The following VPS35L variants were observed in gnomAD, a reference collection of about 807,000 sequenced individuals.
VPS35L encodes the protein VPS35 endosomal protein sorting factor like, also known as VPS35 endosomal protein-sorting factor-like.
Under a neutral mutation model 133.0 loss-of-function variants are expected in VPS35L, and 83 were observed. The ratio of observed to expected loss-of-function variants is 0.62; its 90% CI spans 0.52 to 0.75. VPS35L has a LOEUF of 0.75. Among genes scored for constraint, VPS35L ranks in the 30% least tolerant of loss-of-function variants. The pLI, the probability that VPS35L is intolerant of heterozygous loss-of-function variation, is 0.00. For missense variants in VPS35L, 1,083 were observed against 1,206.8 expected (o/e 0.90, Z 1.52); for synonymous variants, 423 against 449.9 (o/e 0.94, Z 0.76).
chr16:19,681,200 TC>T (rs1316486858), intron 27 of VPS35L, among the ~76,000 whole-genome samples: 1 of 152,108 alleles, frequency 6.6e-6, no homozygotes, highest in Non-Finnish European at 1.5e-5. Context: ...CACCTATCCT[TC>T]CTCTAGCTCC....
At chr16:19,657,810 C>G (rs1181258712) in intron 26 of VPS35L, among the ~76,000 whole-genome samples, 2 of 152,128 alleles carry the variant, frequency 1.3e-5, no homozygotes, top group East Asian at 3.9e-4. Flanking sequence ...ACACATTTAC[C>G]AGGTCTTGGC....
At position 19,700,445 on chromosome 16, in the gene VPS35L, C is replaced by A; in HGVS notation, c.2861C>A (p.Ala954Asp). The change falls in exon 31 of 31, where the codon GCC (alanine) becomes GAC (aspartate). Residue 954 changes from alanine (A) to aspartate (D), a missense_variant. Transcript: ENST00000417362. The stretch of plus-strand genomic sequence containing the variant: ...GACATGACTCATCTGACGGAGCTGG[C>A]CCTCAGACTCCCTCTGCAAACAAGG... ...QPDMTHLTEL[A>D]LRLPLQTRT The A allele has an allele frequency of 1.2e-6, 2 of 1,614,158 alleles. No homozygotes were observed. Among genetic ancestry groups the A allele is most frequent in the Non-Finnish European group, 1.7e-6 (2 of 1,180,008 alleles).
intron 21 of VPS35L, among the ~76,000 whole-genome samples, chr16:19,641,031 C>A (rs1270811169): frequency 6.6e-6 from 1 of 152,088 alleles, no homozygotes; most frequent in Non-Finnish European, 1.5e-5. Flanking sequence ...TGAGCCACCT[C>A]GCCTAGCTAG....
chr16:19,558,922 C>CAA (rs11294761), intron 1 of VPS35L, among the ~76,000 whole-genome samples: 9 of 120,146 alleles, frequency 7.5e-5, no homozygotes, highest in East Asian at 5.3e-4. Context: ...GACTCCGTCT[C>CAA]AAAAAAAAAA....
At chr16:19,557,081 G>A (rs1055627345) in intron 1 of VPS35L, among the ~76,000 whole-genome samples, 4 of 152,006 alleles carry the variant, frequency 2.6e-5, no homozygotes, top group South Asian at 2.1e-4. Flanking sequence ...GGAGTGAACC[G>A]AGATCATGCC....
chr16:19,626,330 C>A, intron 15 of VPS35L, 107 bp downstream of exon 15: 1 of 842,764 alleles, frequency 1.2e-6, no homozygotes, highest in Non-Finnish European at 2.0e-6. Context: ...AGAGGCAGGA[C>A]TGCATGGAGG....
chr16:19,561,329 C>G (rs1453628034), intron 1 of VPS35L, among the ~76,000 whole-genome samples: 1 of 152,158 alleles, frequency 6.6e-6, no homozygotes, highest in East Asian at 1.9e-4. Flanking sequence ...GGAGATCGCG[C>G]CACTGCACTC....
At chr16:19,595,758 C>T (rs543754537) in intron 8 of VPS35L, among the ~76,000 whole-genome samples, 38 of 152,316 alleles carry the variant, frequency 2.5e-4, no homozygotes, top group African/African-American at 7.2e-4. Context: ...GTCCTTGTTG[C>T]GTCCCAGAAA....
chr16:19,682,433 C>T (rs1391122778), intron 28 of VPS35L, 43 bp downstream of exon 28: 1 of 1,574,878 alleles, frequency 6.3e-7, no homozygotes, highest in South Asian at 1.1e-5. Context: ...GCATGGATTT[C>T]ATGAAAGGCA....
rs147961883 is a variant in VPS35L at position 19,700,402 on chromosome 16, A to C, written c.2818A>C (p.Lys940Gln). ...GGTGAAAACGCTAGAATACATCAAG[A>C]AGCAAAGCAAACAACCAGACATGAC... is the stretch of plus-strand genomic sequence containing the variant. ...TMVKTLEYIK[K>Q]QSKQPDMTHL... is the part of the protein sequence containing the mutation. The change falls in exon 31 of 31, where the codon AAG (lysine) becomes CAG (glutamine). Residue 940 changes from lysine to glutamine, a missense_variant. Physicochemically the swap from Lys to Gln is moderately conservative, Grantham distance 53. Coordinates refer to ENST00000417362, the MANE Select transcript of VPS35L (RefSeq NM_020314.7). The C allele has an allele frequency of 6.3e-5, 101 of 1,614,126 alleles. No homozygotes were observed. The African/African-American group carries it at 1.1e-3, about 17-fold the overall frequency.
chr16:19,624,753 A>G (rs1459359786), intron 14 of VPS35L, among the ~76,000 whole-genome samples: 1 of 152,120 alleles, frequency 6.6e-6, no homozygotes, highest in African/African-American at 2.4e-5. Context: ...GCCTGCACAA[A>G]TCCCATTTTT....
chr16:19,627,406 C>A (rs767122809), intron 15 of VPS35L, among the ~76,000 whole-genome samples: 1 of 152,076 alleles, frequency 6.6e-6, no homozygotes. Context: ...AATGCTCGCT[C>A]TTCTTCTCCT....
chr16:19,615,535 T>A (rs1324814517), intron 12 of VPS35L, among the ~76,000 whole-genome samples: 4 of 151,702 alleles, frequency 2.6e-5, no homozygotes, highest in Admixed American at 6.6e-5. Flanking sequence ...CTGTAATCCC[T>A]GCTACTTGGG....
chr16:19,608,099 G>A (rs1972590933), intron 9 of VPS35L, 79 bp from the exon 10 acceptor site: 1 of 1,026,142 alleles, frequency 9.7e-7, no homozygotes, highest in South Asian at 1.3e-5. Flanking sequence ...TCTGCTCCAG[G>A]GTAATGTATT....
At chr16:19,600,361 T>C in intron 8 of VPS35L, among the ~76,000 whole-genome samples, 1 of 152,142 alleles carries the variant, frequency 6.6e-6, no homozygotes, top group East Asian at 1.9e-4. Context: ...CTTCCACATA[T>C]TGATAACATT....
intron 7 of VPS35L, chr16:19,581,989 A>C: frequency 4.6e-6 from 1 of 216,594 alleles, no homozygotes; most frequent in Non-Finnish European, 9.1e-6. Flanking sequence ...GTACACACTA[A>C]AGATTGAGCA....
At chr16:19,655,480 C>T (rs1038462724) in intron 26 of VPS35L, among the ~76,000 whole-genome samples, 1 of 152,200 alleles carries the variant, frequency 6.6e-6, no homozygotes, top group African/African-American at 2.4e-5. Context: ...CCCCGTCCCT[C>T]CAGTTCATTT....
rs779887361 is a variant in VPS35L, at chr16:19,579,100, G to A, written c.482G>A (p.Arg161Gln). The A allele has an allele frequency of 5.6e-5, 90 of 1,613,990 alleles. No homozygotes were observed. Among genetic ancestry groups the A allele is most frequent in the Non-Finnish European group, 7.2e-5 (85 of 1,180,008 alleles). ...TLAMSEKVRT[R>Q]LEELDDFEEG... is the part of the protein sequence containing the mutation. ...GCAATGTCAGAGAAGGTGCGGACCCGGCTGGAGGAGCTGGATGACTTTGAG... is the reference window on the plus strand; with the variant it reads ...GCAATGTCAGAGAAGGTGCGGACCCAGCTGGAGGAGCTGGATGACTTTGAG... The change falls in exon 6 of 31, where the codon CGG becomes CAG. Residue 161 changes from arginine to glutamine, a missense_variant. Physicochemically the swap from Arg to Gln is conservative, Grantham distance 43. Coordinates refer to ENST00000417362, the MANE Select transcript of VPS35L (RefSeq NM_020314.7).
intron 8 of VPS35L, among the ~76,000 whole-genome samples, chr16:19,597,041 CAACAACAACAA>C (rs976636041): frequency 2.6e-5 from 4 of 151,038 alleles, no homozygotes; most frequent in Non-Finnish European, 4.4e-5. Context: ...AAACCAACAA[CAACAACAACAA>C]AACAACAACA....
Sources: allele counts gnomAD v4.1 joint callset (sites outside exome capture counted in the v4.1 genomes callset), GRCh38; gene constraint gnomAD v4.1.1; transcripts MANE v1.5; gene names NCBI Gene and HGNC (gene_info 2026-07-23, HGNC 2026-07-21).